The following KPNA3 variants were observed in gnomAD, a reference collection of about 807,000 sequenced individuals.
KPNA3 encodes importin subunit alpha-4.
A neutral mutation model predicts 73.8 loss-of-function variants in KPNA3; 13 were observed. That is an observed-to-expected ratio of 0.18 (90% confidence interval 0.11 to 0.28). The LOEUF is 0.28. Among genes scored for constraint, KPNA3 ranks in the 10% least tolerant of loss-of-function variants. The pLI, the probability that KPNA3 is intolerant of heterozygous loss-of-function variation, is 1.00. For missense variants in KPNA3, 360 were observed against 618.1 expected (o/e 0.58, Z 4.43); for synonymous variants, 186 against 206.9 (o/e 0.90, Z 0.87).
rs906882135 is a variant in KPNA3, at chr13:49,757,571, A to C, written c.70-10578T>G. On this transcript the variant is annotated intron_variant, in intron 1 of 16. Transcript: ENST00000261667. ...TGGTGAGTATGGAGAGTTTTCATACATTGCTTGTGGGAATGTAAAATGACA... is the reference window on the plus strand; with the variant it reads ...TGGTGAGTATGGAGAGTTTTCATACCTTGCTTGTGGGAATGTAAAATGACA... Among the ~76,000 whole-genome samples the C allele has an allele frequency of 3.9e-5, 6 of 152,272 alleles. 1 individual carries two copies. The highest frequency in any genetic ancestry group is 3.9e-4 in the Admixed American group (6 of 15,296).
chr13:49,733,973 C>A (rs944080607), intron 2 of KPNA3, among the ~76,000 whole-genome samples: 3 of 152,194 alleles, frequency 2.0e-5, no homozygotes, highest in South Asian at 2.1e-4. Context: ...CTCTGCCAAC[C>A]CACAAAATTG....
At chr13:49,762,218 GGCCAGCCGCCCC>G (rs1237733507) in intron 1 of KPNA3, among the ~76,000 whole-genome samples, 63 of 149,006 alleles carry the variant, frequency 4.2e-4, no homozygotes, top group Non-Finnish European at 8.0e-4. Flanking sequence ...GCCCCCGCCC[GGCCAGCCGCCCC>G]GTCGCGGAGG....
chr13:49,753,026 C>CAAAAAA (rs71078888), intron 1 of KPNA3, among the ~76,000 whole-genome samples: 1 of 82,210 alleles, frequency 1.2e-5, no homozygotes, highest in Non-Finnish European at 2.2e-5. Flanking sequence ...GACTCTGTCT[C>CAAAAAA]AAAAAAAAAA....
chr13:49,723,330 G>T (rs12876889), intron 7 of KPNA3, among the ~76,000 whole-genome samples: 2 of 151,948 alleles, frequency 1.3e-5, no homozygotes, highest in Non-Finnish European at 2.9e-5. Context: ...CTAACACTCT[G>T]GGAGGCCGAG....
chr13:49,711,058 T>G, intron 10 of KPNA3, 36 bp from the exon 11 acceptor site: 2 of 1,577,318 alleles, frequency 1.3e-6, no homozygotes, highest in Non-Finnish European at 1.7e-6. Flanking sequence ...ATTTTACATA[T>G]TTGTTTGAAT....
chr13:49,763,622 A>T (rs2137586204), intron 1 of KPNA3, among the ~76,000 whole-genome samples: 1 of 152,296 alleles, frequency 6.6e-6, no homozygotes, highest in African/African-American at 2.4e-5. Context: ...AGAAAAACAG[A>T]TTATCTTCAA....
chr13:49,762,357 G>A (rs887706069), intron 1 of KPNA3, among the ~76,000 whole-genome samples: 3 of 152,202 alleles, frequency 2.0e-5, no homozygotes, highest in Admixed American at 6.5e-5. Context: ...CACTCCGTCT[G>A]GGAAGTGTAC....
Position 49,790,219 on chromosome 13 carries a change from C to A in KPNA3, c.69+2219G>T, listed in dbSNP as rs528718593. Among the ~76,000 whole-genome samples the A allele has an allele frequency of 6.6e-5, 10 of 152,264 alleles. No homozygotes were observed. In the East Asian group the frequency reaches 1.7e-3, roughly 26 times the overall value. ...TGACGACTAGCATCTGTAGTTCGAACACTTTGGAAGGCCGAGGCGGGAGAA... is the reference window on the plus strand; with the variant it reads ...TGACGACTAGCATCTGTAGTTCGAAAACTTTGGAAGGCCGAGGCGGGAGAA... On this transcript the variant is annotated intron_variant, in intron 1 of 16. Transcript: ENST00000261667.
chr13:49,779,832 A>C (rs1211899006), intron 1 of KPNA3, among the ~76,000 whole-genome samples: 1 of 152,002 alleles, frequency 6.6e-6, no homozygotes, highest in Non-Finnish European at 1.5e-5. Context: ...TTCCCTTCTC[A>C]CTGGCCCCCA....
rs398022733 is a variant in KPNA3, at chr13:49,746,064, G to GA, written c.114+884dup. Among the ~76,000 whole-genome samples, 137 of 83,024 alleles carry GA rather than the reference G, an allele frequency of 1.7e-3. 1 individual carries two copies. The East Asian group carries it at 0.02, about 12-fold the overall frequency. The allele number at this position is 83,024 out of a possible 152,430, so 54.5% of individuals were successfully genotyped here. A position where few individuals can be genotyped will look rare whatever the true frequency, so the allele number is the denominator to read the frequency against. On this transcript the variant is annotated intron_variant, in intron 2 of 16. Transcript: ENST00000261667. ...GGCGACAGAGCGAGACTCTGCATCAGAAAAAAAAAAAAAAAAAAAAGAAAC... is the reference window on the plus strand; with the variant it reads ...GGCGACAGAGCGAGACTCTGCATCAGAAAAAAAAAAAAAAAAAAAAAGAAAC...
At chr13:49,711,380 T>C (rs1161276191) in intron 10 of KPNA3, among the ~76,000 whole-genome samples, 1 of 152,222 alleles carries the variant, frequency 6.6e-6, no homozygotes, top group Non-Finnish European at 1.5e-5. Context: ...TTTACAAGAA[T>C]GAGGCCAACA....
At chr13:49,722,187 A>G (rs2137544767) in intron 8 of KPNA3, 63 bp from the exon 9 acceptor site, 1 of 1,122,730 alleles carries the variant, frequency 8.9e-7, no homozygotes, top group Middle Eastern at 2.6e-4. Flanking sequence ...TCTGAAATGT[A>G]TGCAATGGCT....
intron 1 of KPNA3, among the ~76,000 whole-genome samples, chr13:49,787,609 T>C (rs1195836200): frequency 6.6e-6 from 1 of 151,992 alleles, no homozygotes; most frequent in Non-Finnish European, 1.5e-5. Context: ...CCGGTTCAAG[T>C]GATTCTCTCG....
At chr13:49,751,651 G>A (rs1011242085) in intron 1 of KPNA3, among the ~76,000 whole-genome samples, 2 of 152,156 alleles carry the variant, frequency 1.3e-5, no homozygotes, top group Non-Finnish European at 2.9e-5. Flanking sequence ...GCTCATGCTT[G>A]TAATCCCAGA....
intron 2 of KPNA3, among the ~76,000 whole-genome samples, chr13:49,733,805 C>T (rs1415418743): frequency 6.6e-6 from 1 of 152,184 alleles, no homozygotes; most frequent in African/African-American, 2.4e-5. Flanking sequence ...GAACACTGAG[C>T]CATGGAGAAT....
intron 6 of KPNA3, among the ~76,000 whole-genome samples, chr13:49,730,156 C>T (rs950912530): frequency 2.6e-5 from 4 of 152,006 alleles, no homozygotes; most frequent in Non-Finnish European, 5.9e-5. Context: ...TGTTATGTTT[C>T]ATAGACACAG....
chr13:49,705,626 C>T lies in KPNA3; in HGVS notation c.1367G>A (p.Cys456Tyr), dbSNP rs1234655238. The T allele has an allele frequency of 1.9e-6, 3 of 1,613,618 alleles. No individual in the cohort carries two copies. The highest frequency in any genetic ancestry group is 8.5e-7 in the Non-Finnish European group (1 of 1,179,848). The change falls in exon 15 of 17, where the codon TGT becomes TAT. Residue 456 changes from cysteine (C) to tyrosine (Y), a missense_variant. Cys to Tyr is a radical substitution (Grantham distance 194). This residue lies in a region of KPNA3 where 287 missense variants were observed against 549.1 expected (regional missense o/e 0.52). Transcript: ENST00000261667. Reference sequence around the variant, plus strand: ...TTCCATCAATCCACTCTTACCTCCACATTCCTCTATTATTTCAGCTATTGT... The same window carrying T: ...TTCCATCAATCCACTCTTACCTCCATATTCCTCTATTATTTCAGCTATTGT... ...ASTIAEIIEE[C>Y]GGLEKIEVLQ...
chr13:49,756,928 G>A (rs1017299453), intron 1 of KPNA3, among the ~76,000 whole-genome samples: 8 of 152,050 alleles, frequency 5.3e-5, no homozygotes, highest in African/African-American at 1.9e-4. Context: ...TTTTTACAAA[G>A]GTGCAAAAGC....
chr13:49,719,658 CTG>C, intron 10 of KPNA3, 115 bp downstream of exon 10: 1 of 750,768 alleles, frequency 1.3e-6, no homozygotes, highest in African/African-American at 1.8e-5. Flanking sequence ...TTTCTGAAAA[CTG>C]TAAATACGTT....
Sources: gnomAD v4.1 joint callset for allele counts (sites outside exome capture counted in the v4.1 genomes callset) on GRCh38, gnomAD v4.1.1 for gene constraint, gnomAD v4.1.1 regional missense constraint, MANE v1.5 for transcripts, NCBI Gene and HGNC (gene_info 2026-07-23, HGNC 2026-07-21) for gene names.